Variants in PRRT1B observed in about 807,000 individuals in gnomAD.
The protein encoded by PRRT1B is proline rich transmembrane protein 1B, also known as dispanin subfamily D member 2.
At chr9:131,555,054 G>A in intron 2 of PRRT1B, 25 bp downstream of exon 2, 3 of 389,818 alleles carry the variant, frequency 7.7e-6, no homozygotes, top group Non-Finnish European at 1.4e-5. Context: ...CCCTGGGCGC[G>A]CTCCCCTCCG....
chr9:131,552,839 A>ATTTTTTT (rs61662684), intron 1 of PRRT1B, among the ~76,000 whole-genome samples: 2 of 133,800 alleles, frequency 1.5e-5, no homozygotes, highest in Non-Finnish European at 1.6e-5. Context: ...CACCTGGTTA[A>ATTTTTTT]TTTTTTTTTT....
Position 131,552,815 on chromosome 9 carries a change from C to G in PRRT1B, c.26-1742C>G, listed in dbSNP as rs557185057. The stretch of plus-strand genomic sequence containing the variant: ...AGCCTCCCAAGTAGCCGGGACTAGA[C>G]ACTTGTGCTGCCACACCTGGTTAAT... On this transcript the variant is annotated intron_variant, in intron 1 of 3. Coordinates refer to ENST00000636672, the Ensembl canonical transcript of PRRT1B. 5.3e-5 allele frequency among the ~76,000 whole-genome samples: 8 copies of G among 151,530 alleles called. No homozygotes were observed. In the East Asian group the frequency reaches 1.2e-3, roughly 22 times the overall value.
chr9:131,556,127 C>G (rs1296503010), exon 3 of PRRT1B: 2 of 400,990 alleles, frequency 5.0e-6, no homozygotes, highest in Non-Finnish European at 8.8e-6. Flanking sequence ...CAGGCCCCTG[C>G]CAAAGGACTA....
chr9:131,547,950 C>T (rs571748626), intron 1 of PRRT1B, among the ~76,000 whole-genome samples: 1 of 152,308 alleles, frequency 6.6e-6, no homozygotes, highest in South Asian at 2.1e-4. Flanking sequence ...GCACCGGTCA[C>T]GGACTTGGGA....
At chr9:131,553,526 C>T (rs1235606323) in intron 1 of PRRT1B, among the ~76,000 whole-genome samples, 3 of 152,204 alleles carry the variant, frequency 2.0e-5, no homozygotes, top group Admixed American at 6.5e-5. Flanking sequence ...AGGCAGGACA[C>T]GCCCAGGGGC....
chr9:131,553,888 G>C (rs771570650), intron 1 of PRRT1B, among the ~76,000 whole-genome samples: 1 of 152,204 alleles, frequency 6.6e-6, no homozygotes, highest in Non-Finnish European at 1.5e-5. Context: ...GTTGGGACCT[G>C]ACCAGGCACC....
chr9:131,546,192 C>A (rs1419158356), intron 1 of PRRT1B, among the ~76,000 whole-genome samples: 3 of 152,102 alleles, frequency 2.0e-5, no homozygotes, highest in Non-Finnish European at 4.4e-5. Flanking sequence ...GGGGAGTGGG[C>A]GACCCTGGCC....
chr9:131,554,463 G>C (rs1360495485), intron 1 of PRRT1B, 94 bp from the exon 2 acceptor site: 2 of 364,522 alleles, frequency 5.5e-6, no homozygotes, highest in Admixed American at 4.6e-5. Context: ...CAGCTGCAGA[G>C]GGCTGGGAGC....
At chr9:131,554,951 C>T in exon 2 of PRRT1B, 1 of 390,398 alleles carries the variant, frequency 2.6e-6, no homozygotes, top group Non-Finnish European at 4.5e-6. Context: ...TCCCGCCGCC[C>T]GCCCAGCTCT....
intron 1 of PRRT1B, among the ~76,000 whole-genome samples, chr9:131,553,634 GT>G (rs1372349027): frequency 6.6e-6 from 1 of 152,212 alleles, no homozygotes; most frequent in Non-Finnish European, 1.5e-5. Context: ...TGAGATGTCT[GT>G]GTGATGTCTG....
At chr9:131,557,301 G>T (rs763223969) in intron 3 of PRRT1B, among the ~76,000 whole-genome samples, 1 of 152,202 alleles carries the variant, frequency 6.6e-6, no homozygotes, top group Non-Finnish European at 1.5e-5. Context: ...CATTTTGGGA[G>T]GCCAAGGTGG....
Position 131,551,494 on chromosome 9 carries a change from GTTTT to G in PRRT1B, c.26-3062_26-3059del, listed in dbSNP as rs1951012191. On this transcript the variant is annotated intron_variant, in intron 1 of 3. Coordinates refer to ENST00000636672, the Ensembl canonical transcript of PRRT1B. This position sits in a 1 kb window ranked among gnomAD's most constrained non-coding sequence, Gnocchi z 4.4. The stretch of plus-strand genomic sequence containing the variant: ...TGCCCCAACACTTCAACATTATTTT[GTTTT>G]ATTTTTCTAATTAATATAAGAAGAC... 6.6e-6 allele frequency among the ~76,000 whole-genome samples: 1 copy of G among 151,654 alleles called. No individual in the cohort carries two copies. The highest frequency in any genetic ancestry group is 6.6e-5 in the Admixed American group (1 of 15,224).
chr9:131,554,664 C>T (rs1424151745), exon 2 of PRRT1B: 4 of 386,272 alleles, frequency 1.0e-5, no homozygotes, highest in Non-Finnish European at 1.8e-5. Context: ...GCCCGCGCTC[C>T]CGCAGCTCCC....
chr9:131,550,960 T>G (rs1951007853), intron 1 of PRRT1B, among the ~76,000 whole-genome samples: 1 of 78,786 alleles, frequency 1.3e-5, no homozygotes, highest in Non-Finnish European at 2.5e-5. Context: ...TTTTTTTTTT[T>G]GAGACAGAGT....
At chr9:131,550,028 C>T (rs1468298171) in intron 1 of PRRT1B, among the ~76,000 whole-genome samples, 4 of 152,096 alleles carry the variant, frequency 2.6e-5, no homozygotes, top group African/African-American at 9.7e-5. Context: ...CCTATTAAAA[C>T]TTAATCACCC....
At chr9:131,557,177 C>T (rs527674205) in intron 3 of PRRT1B, among the ~76,000 whole-genome samples, 10 of 152,176 alleles carry the variant, frequency 6.6e-5, no homozygotes, top group Admixed American at 1.3e-4. Flanking sequence ...TCACCCATCC[C>T]TCTATCGATT....
intron 1 of PRRT1B, among the ~76,000 whole-genome samples, chr9:131,549,708 G>T (rs982809482): frequency 6.6e-6 from 1 of 152,090 alleles, no homozygotes; most frequent in Non-Finnish European, 1.5e-5. Flanking sequence ...TGTTTCCTTT[G>T]CCTCCATAAC....
At chr9:131,557,538 A>G (rs1951058410) in intron 3 of PRRT1B, among the ~76,000 whole-genome samples, 1 of 152,164 alleles carries the variant, frequency 6.6e-6, no homozygotes, top group Non-Finnish European at 1.5e-5. Flanking sequence ...ACTCTGTCTC[A>G]AGAAAAAAAC....
chr9:131,546,440 T>G (rs1029229815), intron 1 of PRRT1B, among the ~76,000 whole-genome samples: 2 of 152,026 alleles, frequency 1.3e-5, no homozygotes, highest in African/African-American at 4.8e-5. Context: ...ACCTCGTCCT[T>G]GCCCTGGGGA....
Sources: allele counts gnomAD v4.1 joint callset (sites outside exome capture counted in the v4.1 genomes callset), GRCh38; gene constraint gnomAD v4.1.1; non-coding constraint Gnocchi (gnomAD v3.1); transcripts MANE v1.5; gene names NCBI Gene and HGNC (gene_info 2026-07-23, HGNC 2026-07-21).